PPFIA2: variants seen among roughly 807,000 people sequenced by gnomAD.
PPFIA2 encodes the protein liprin-alpha-2.
In PPFIA2, 46 loss-of-function variants were observed where a neutral mutation model predicts 175.5. That is an observed-to-expected ratio of 0.26 (90% CI 0.21 to 0.34). PPFIA2 has a LOEUF of 0.34. PPFIA2 is among the 10% of genes least tolerant of loss of function. PPFIA2 has a pLI of 1.00. For missense variants in PPFIA2, 1,179 were observed against 1,506.1 expected (o/e 0.78, Z 3.60); for synonymous variants, 568 against 511.4 (o/e 1.11, Z -1.49).
intron 3 of PPFIA2, among the ~76,000 whole-genome samples, chr12:81,706,877 A>C (rs2077220857): frequency 6.6e-6 from 1 of 152,170 alleles, no homozygotes; most frequent in Non-Finnish European, 1.5e-5. Flanking sequence ...CATATCTACA[A>C]CTATCTGATC....
chr12:81,338,374 G>A (rs1051100058), intron 21 of PPFIA2, among the ~76,000 whole-genome samples: 8 of 152,054 alleles, frequency 5.3e-5, no homozygotes, highest in African/African-American at 1.9e-4. Flanking sequence ...AAATATCACA[G>A]ATTCTTCTGA....
At chr12:81,276,580 T>C (rs2040588898) in intron 28 of PPFIA2, among the ~76,000 whole-genome samples, 1 of 152,184 alleles carries the variant, frequency 6.6e-6, no homozygotes, top group Non-Finnish European at 1.5e-5. Flanking sequence ...TTTGAAATTA[T>C]TCTTTCTTGG....
At chr12:81,267,728 ATTTTT>A (rs137975780) in intron 29 of PPFIA2, among the ~76,000 whole-genome samples, 179 bp downstream of exon 29, 2 of 77,752 alleles carry the variant, frequency 2.6e-5, no homozygotes, top group African/African-American at 7.7e-5. Context: ...TAATTGTATG[ATTTTT>A]TTTTTTTTTT....
Position 81,597,853 on chromosome 12 carries a change from C to G in PPFIA2, c.303+78938G>C, listed in dbSNP as rs2059411023. The G allele has an allele frequency of 6.4e-6, 8 of 1,240,374 alleles. No homozygotes were observed. The South Asian group carries it at 8.4e-5, about 13-fold the overall frequency. 76.8% of individuals were successfully genotyped at this position (1,240,374 alleles called of 1,614,324 possible). A position where few individuals can be genotyped will look rare whatever the true frequency, so the allele number is the denominator to read the frequency against. On this transcript the variant is annotated intron_variant, in intron 4 of 32. Coordinates refer to ENST00000549396, the MANE Select transcript of PPFIA2 (RefSeq NM_003625.5). ...ATTCCATACATTTTCTTCAATACTT[C>G]CAACCTTTTTAAGTCTTTCTTCCTT...
chr12:81,380,904 T>C (rs1595849675), intron 9 of PPFIA2, among the ~76,000 whole-genome samples: 1 of 151,462 alleles, frequency 6.6e-6, no homozygotes, highest in Non-Finnish European at 1.5e-5. Flanking sequence ...TCATAAACCA[T>C]GGGCCTGGGT....
In PPFIA2 at chr12:81,747,428, G is replaced by C. The variant is rs1182746581; in HGVS notation, c.249+6545C>G. Among the ~76,000 whole-genome samples the C allele has an allele frequency of 1.4e-5, 2 of 143,972 alleles. 1 individual carries two copies. The highest frequency in any genetic ancestry group is 3.1e-5 in the Non-Finnish European group (2 of 64,172). 94.5% of individuals were successfully genotyped at this position (143,972 alleles called of 152,430 possible). On this transcript the variant is annotated intron_variant, in intron 3 of 32. Coordinates refer to ENST00000549396, the MANE Select transcript of PPFIA2 (RefSeq NM_003625.5). ...ATAAATCAAAATACCTTTAAAATTT[G>C]ATAAAGATTGAAGAGAGTAAGGATT... is the stretch of plus-strand genomic sequence containing the variant.
At chr12:81,279,727 T>C (rs999305625) in intron 27 of PPFIA2, among the ~76,000 whole-genome samples, 2 of 152,030 alleles carry the variant, frequency 1.3e-5, no homozygotes, top group African/African-American at 4.8e-5. Context: ...TAAAACAGTA[T>C]TAAAAGTCAA....
intron 3 of PPFIA2, among the ~76,000 whole-genome samples, chr12:81,703,187 TG>T (rs1425037316): frequency 2.0e-5 from 3 of 152,178 alleles, no homozygotes; most frequent in African/African-American, 7.2e-5. Flanking sequence ...GTTTCATATT[TG>T]TACTTTTGCA....
intron 4 of PPFIA2, among the ~76,000 whole-genome samples, chr12:81,486,461 T>C (rs562270366): frequency 6.6e-6 from 1 of 152,024 alleles, no homozygotes; most frequent in East Asian, 1.9e-4. Context: ...AAACATAGTA[T>C]TTCTAGAAAT....
chr12:81,723,790 T>C (rs1022238091), intron 3 of PPFIA2, among the ~76,000 whole-genome samples: 1 of 150,952 alleles, frequency 6.6e-6, no homozygotes, highest in African/African-American at 2.4e-5. Flanking sequence ...CTCTGCATAT[T>C]ATAATGGGAT....
intron 3 of PPFIA2, among the ~76,000 whole-genome samples, chr12:81,692,431 G>T (rs1454669165): frequency 6.6e-6 from 1 of 151,924 alleles, no homozygotes; most frequent in Non-Finnish European, 1.5e-5. Flanking sequence ...TAAGTGTTCA[G>T]GTAATTATTT....
chr12:81,512,829 A>G (rs1175733799), intron 4 of PPFIA2, among the ~76,000 whole-genome samples: 1 of 152,090 alleles, frequency 6.6e-6, no homozygotes, highest in Non-Finnish European at 1.5e-5. Flanking sequence ...TTCACTTAGA[A>G]TAATCACCTT....
chr12:81,688,212 T>C (rs1343501873), intron 3 of PPFIA2, among the ~76,000 whole-genome samples: 1 of 152,062 alleles, frequency 6.6e-6, no homozygotes, highest in Non-Finnish European at 1.5e-5. Context: ...TTGGGTAACA[T>C]GTATACCATA....
At chr12:81,303,075 C>T (rs2048263628) in intron 22 of PPFIA2, among the ~76,000 whole-genome samples, 3 of 152,122 alleles carry the variant, frequency 2.0e-5, no homozygotes, top group East Asian at 1.9e-4. Flanking sequence ...TTTGGATATA[C>T]TGCTGTTCTC....
chr12:81,405,301 T>A (rs1294613570), intron 8 of PPFIA2, among the ~76,000 whole-genome samples: 5 of 152,046 alleles, frequency 3.3e-5, no homozygotes, highest in Admixed American at 2.6e-4. Flanking sequence ...AAAATACTAA[T>A]CAAATAAAAG....
chr12:81,758,373 A>T (rs763980361), intron 2 of PPFIA2, 27 bp downstream of exon 2: 1 of 456,428 alleles, frequency 2.2e-6, no homozygotes, highest in South Asian at 1.5e-5. Flanking sequence ...GAAAGGAGAC[A>T]GTAAAACTCA....
At chr12:81,553,877 T>C (rs969302820) in intron 4 of PPFIA2, among the ~76,000 whole-genome samples, 4 of 152,052 alleles carry the variant, frequency 2.6e-5, no homozygotes, top group Non-Finnish European at 5.9e-5. Flanking sequence ...AAAGTGTCTG[T>C]TTTGATGGTG....
intron 27 of PPFIA2, among the ~76,000 whole-genome samples, chr12:81,277,658 A>G (rs1477581478): frequency 6.6e-6 from 1 of 152,186 alleles, no homozygotes; most frequent in Non-Finnish European, 1.5e-5. Context: ...TAAAATCATC[A>G]TGGATTATAT....
At chr12:81,425,392 T>C (rs1478347924) in intron 7 of PPFIA2, among the ~76,000 whole-genome samples, 2 of 152,224 alleles carry the variant, frequency 1.3e-5, no homozygotes, top group African/African-American at 4.8e-5. Flanking sequence ...TCACCCAGGA[T>C]GGAATGCAGT....
Sources: gnomAD v4.1 joint callset for allele counts (sites outside exome capture counted in the v4.1 genomes callset) on GRCh38, gnomAD v4.1.1 for gene constraint, MANE v1.5 for transcripts, NCBI Gene and HGNC (gene_info 2026-07-23, HGNC 2026-07-21) for gene names.